Variants in FLT3 observed in about 807,000 individuals in gnomAD.
The protein encoded by FLT3 is receptor-type tyrosine-protein kinase FLT3.
FLT3 carries 46 observed loss-of-function variants against 126.6 expected under a neutral mutation model. That is an observed-to-expected ratio of 0.36 (90% CI 0.29 to 0.46). The LOEUF is 0.46. Ranked by LOEUF, FLT3 falls within the 20% of genes least tolerant of loss-of-function variation. The pLI, the probability that FLT3 is intolerant of heterozygous loss-of-function variation, is 1.00. For missense variants in FLT3, 1,069 were observed against 1,190.3 expected (o/e 0.90, Z 1.50); for synonymous variants, 404 against 434.4 (o/e 0.93, Z 0.87).
intron 4 of FLT3, among the ~76,000 whole-genome samples, chr13:28,053,397 G>GAT (rs10522717): frequency 0.014 from 1,889 of 134,788 alleles, 49 homozygotes; most frequent in Middle Eastern, 0.044. Context: ...TGTACTGTTT[G>GAT]ATATATATAT....
Position 28,015,678 on chromosome 13 carries a change from C to T in FLT3, c.2565G>A (p.Met855Ile), listed in dbSNP as rs2137613596. The T allele has an allele frequency of 6.2e-7, 1 of 1,608,000 alleles. No homozygotes were observed. Among genetic ancestry groups the T allele is most frequent in the Non-Finnish European group, 8.5e-7 (1 of 1,177,108 alleles). The change falls in exon 21 of 24, where the codon ATG (methionine) becomes ATA (isoleucine). Residue 855 changes from methionine to isoleucine, a missense_variant. Met to Ile is a conservative substitution (Grantham distance 10). Coordinates refer to ENST00000241453, the MANE Select transcript of FLT3 (RefSeq NM_004119.3). ...TGCCTTCAAACAGGCTTTCGGGGGC[C>T]ATCCATTTTACAGGCAGACGGGCCT... ...RGNARLPVKWMAPESLFEGIY... is the reference protein window; with the variant it reads ...RGNARLPVKWIAPESLFEGIY...
At chr13:28,086,296 G>A (rs1343085832) in intron 1 of FLT3, among the ~76,000 whole-genome samples, 1 of 152,112 alleles carries the variant, frequency 6.6e-6, no homozygotes, top group Non-Finnish European at 1.5e-5. Flanking sequence ...AGTATTACAT[G>A]TTTACCATAA....
rs201755749 is a variant in FLT3, at chr13:28,003,297, TGAAAATAC to T, written c.*747_*754del. On this transcript the variant is annotated 3_prime_UTR_variant, in exon 24 of 24. Coordinates refer to ENST00000241453, the MANE Select transcript of FLT3 (RefSeq NM_004119.3). Reference sequence around the variant, plus strand: ...ACTGTGGGGACAAGAGTAACTTTATTGAAAATACTAATCCTCCATGTTACTTCTGACTG... The same window carrying T: ...ACTGTGGGGACAAGAGTAACTTTATTTAATCCTCCATGTTACTTCTGACTG... 1,120 of 232,968 alleles carry T rather than the reference TGAAAATAC, an allele frequency of 4.8e-3. 9 individuals are homozygous for T. Among genetic ancestry groups the T allele is most frequent in the African/African-American group, 0.023 (1,048 of 45,410 alleles). 14.4% of individuals were successfully genotyped at this position (232,968 alleles called of 1,614,324 possible). A position where few individuals can be genotyped will look rare whatever the true frequency, so the allele number is the denominator to read the frequency against.
At chr13:28,025,197 G>C (rs1872700637) in intron 17 of FLT3, 3 of 506,412 alleles carry the variant, frequency 5.9e-6, no homozygotes, top group Non-Finnish European at 1.1e-5. Context: ...CTCAATCCTT[G>C]CCACAACCTA....
chr13:28,094,697 C>T (rs570407072), intron 1 of FLT3, among the ~76,000 whole-genome samples: 13 of 152,186 alleles, frequency 8.5e-5, no homozygotes, highest in South Asian at 6.2e-4. Flanking sequence ...GACTGGGTCT[C>T]GCTGTATTGC....
chr13:28,031,771 G>A (rs577240164), intron 15 of FLT3, among the ~76,000 whole-genome samples: 7 of 152,332 alleles, frequency 4.6e-5, no homozygotes, highest in South Asian at 2.1e-4. Flanking sequence ...GAAGGCCAGC[G>A]CTCTGGGGTG....
intron 1 of FLT3, among the ~76,000 whole-genome samples, chr13:28,094,274 G>C (rs1159639878): frequency 6.6e-6 from 1 of 152,136 alleles, no homozygotes; most frequent in Admixed American, 6.5e-5. Flanking sequence ...ACCGAATTCA[G>C]TGACTATCTT....
At position 28,014,456 on chromosome 13, in the gene FLT3, T is replaced by G; in HGVS notation, c.2855A>C (p.Glu952Ala). Reference protein sequence around the residue: ...FLGCQLADAEEAMYQNVDGRV... With the variant: ...FLGCQLADAEAAMYQNVDGRV... ...AAAGTCCTGGCTGCTACATACCGCTTCTTCTGCATCTGCCAGCTGACATCC... is the reference window on the plus strand; with the variant it reads ...AAAGTCCTGGCTGCTACATACCGCTGCTTCTGCATCTGCCAGCTGACATCC... Residue 952 changes from glutamate to alanine, a missense_variant, in exon 23 of 24, where the codon GAA (glutamate) becomes GCA (alanine). Transcript: ENST00000241453. The G allele has an allele frequency of 1.2e-6, 2 of 1,610,410 alleles. No homozygotes were observed. The highest frequency in any genetic ancestry group is 1.7e-6 in the Non-Finnish European group (2 of 1,176,628).
chr13:28,073,271 A>G (rs898480651), intron 1 of FLT3: 2 of 245,734 alleles, frequency 8.1e-6, no homozygotes, highest in South Asian at 4.1e-5. Flanking sequence ...TCGCTCAGGC[A>G]TGGGATGTTG....
intron 1 of FLT3, among the ~76,000 whole-genome samples, chr13:28,086,147 GT>G (rs1878657204): frequency 6.6e-6 from 1 of 152,074 alleles, no homozygotes; most frequent in Non-Finnish European, 1.5e-5. Flanking sequence ...TGTCCCTTCT[GT>G]TTTTTATTCT....
intron 4 of FLT3, among the ~76,000 whole-genome samples, chr13:28,055,603 C>T (rs1875934431): frequency 6.6e-6 from 1 of 152,206 alleles, no homozygotes; most frequent in African/African-American, 2.4e-5. Flanking sequence ...ATCTCTCCCA[C>T]CTATTTTTTG....
At chr13:28,060,133 G>A (rs947344932) in intron 3 of FLT3, among the ~76,000 whole-genome samples, 13 of 151,200 alleles carry the variant, frequency 8.6e-5, no homozygotes, top group South Asian at 2.1e-4. Flanking sequence ...GGTGGCTCAC[G>A]CCTGTAATCC....
In FLT3 at chr13:28,023,353, C is replaced by T. The variant is rs150603645; in HGVS notation, c.2415G>A (p.Lys805=). 1.8e-4 allele frequency: 291 copies of T among 1,612,322 alleles called. 2 individuals carry two copies. The African/African-American group carries it at 3.1e-3, about 17-fold the overall frequency. The change falls in exon 19 of 24, where the codon AAG becomes AAA. Residue 805 remains lysine (K), a synonymous_variant. Coordinates refer to ENST00000241453, the MANE Select transcript of FLT3 (RefSeq NM_004119.3). ...VAKGMEFLEF[K]SCVHRDLAAR... ...TTTTTCTTTAAAAGGAGCATACCGACTTAAATTCCAGAAATTCCATTCCTT... is the reference window on the plus strand; with the variant it reads ...TTTTTCTTTAAAAGGAGCATACCGATTTAAATTCCAGAAATTCCATTCCTT...
rs142379690 is a variant in FLT3, at chr13:28,069,938, A to G, written c.165+553T>C. Reference sequence around the variant, plus strand: ...AGATCAGCCTGGGCAACAGAGTGGGACCCCATCTTTGCAAAAAATAAAAAA... The same window carrying G: ...AGATCAGCCTGGGCAACAGAGTGGGGCCCCATCTTTGCAAAAAATAAAAAA... On this transcript the variant is annotated intron_variant, in intron 2 of 23. Transcript: ENST00000241453. Among the ~76,000 whole-genome samples, 680 of 152,062 alleles carry G rather than the reference A, an allele frequency of 4.5e-3. 3 individuals carry two copies. The highest frequency in any genetic ancestry group is 0.016 in the African/African-American group (649 of 41,496).
At chr13:28,055,549 G>T (rs1255662908) in intron 4 of FLT3, among the ~76,000 whole-genome samples, 2 of 152,170 alleles carry the variant, frequency 1.3e-5, no homozygotes, top group Admixed American at 6.6e-5. Flanking sequence ...CTGAGCTTGT[G>T]GTTGACTAAA....
At chr13:28,015,500 A>T in intron 21 of FLT3, 90 bp downstream of exon 21, 1 of 561,818 alleles carries the variant, frequency 1.8e-6, no homozygotes. Flanking sequence ...AGTAAGACCC[A>T]TCAGTGTTGG....
intron 2 of FLT3, among the ~76,000 whole-genome samples, chr13:28,062,834 G>A (rs1350345353): frequency 6.6e-6 from 1 of 151,310 alleles, no homozygotes; most frequent in Non-Finnish European, 1.5e-5. Context: ...TCCAACCAAG[G>A]AGAGAGGCCT....
At chr13:28,046,553 C>T (rs917696622) in intron 9 of FLT3, among the ~76,000 whole-genome samples, 1 of 152,060 alleles carries the variant, frequency 6.6e-6, no homozygotes, top group Admixed American at 6.6e-5. Context: ...ATCCAAAATA[C>T]TATCATTTTA....
At chr13:28,010,336 G>A (rs1014348579) in intron 23 of FLT3, among the ~76,000 whole-genome samples, 4 of 152,186 alleles carry the variant, frequency 2.6e-5, no homozygotes, top group Admixed American at 2.6e-4. Flanking sequence ...TGACGACAGA[G>A]AGAGACCCAT....
Sources: allele counts gnomAD v4.1 joint callset (sites outside exome capture counted in the v4.1 genomes callset), GRCh38; gene constraint gnomAD v4.1.1; transcripts MANE v1.5; gene names NCBI Gene and HGNC (gene_info 2026-07-23, HGNC 2026-07-21).